CIAO2A: variants seen among roughly 807,000 people sequenced by gnomAD.
CIAO2A encodes cytosolic iron-sulfur assembly component 2A, also known as MIP18 family protein FAM96A.
Under a neutral mutation model 22.4 loss-of-function variants are expected in CIAO2A, and 17 were observed. That is an observed-to-expected ratio of 0.76 (90% CI 0.52 to 1.14). The LOEUF (loss-of-function observed/expected upper bound fraction) is 1.14. CIAO2A is among the 50% of genes most tolerant of loss of function. The probability of loss-of-function intolerance (pLI) is 0.00; values close to 1 mark genes in which losing one functional copy is unlikely to be tolerated. For synonymous variants in CIAO2A, 74 were observed against 72.3 expected (o/e 1.02, Z -0.12); for missense variants, 192 against 191.4 (o/e 1.00, Z -0.02).
chr15:64,090,016 T>C (rs961394519), intron 1 of CIAO2A, among the ~76,000 whole-genome samples: 9 of 152,132 alleles, frequency 5.9e-5, no homozygotes, highest in Non-Finnish European at 1.3e-4. Flanking sequence ...AGTAGAACCT[T>C]GGCTGAACAT....
chr15:64,074,977 T>G (rs1377808584), intron 4 of CIAO2A: 1 of 152,130 alleles, frequency 6.6e-6, no homozygotes, highest in South Asian at 2.1e-4. Context: ...TACAGAACAT[T>G]TTGTTTTTTG....
rs1057395143 is a variant in CIAO2A at position 64,088,670 on chromosome 15, T to C, written c.289+17A>G. Reference sequence around the variant, plus strand: ...TAGAATTTATATAAATATACATGTATGTACAGAAAAACTTACCAATAAGAG... The same window carrying C: ...TAGAATTTATATAAATATACATGTACGTACAGAAAAACTTACCAATAAGAG... On this transcript the variant is annotated intron_variant, in intron 2 of 4. Transcript: ENST00000300030. 6.3e-6 allele frequency: 10 copies of C among 1,588,608 alleles called. No individual in the cohort carries two copies. In the South Asian group the frequency reaches 9.1e-5, roughly 15 times the overall value.
chr15:64,081,182 C>T (rs774293844), intron 2 of CIAO2A, 31 bp from the exon 3 acceptor site: 1 of 1,596,022 alleles, frequency 6.3e-7, no homozygotes, highest in Non-Finnish European at 8.6e-7. Flanking sequence ...CTCCAATTAT[C>T]TCTTTATTGC....
In CIAO2A at chr15:64,072,950, C is replaced by T. The variant is rs1185718778; in HGVS notation, c.464G>A (p.Cys155Tyr). ...NPNLREIVEQ[C>Y]VLEPD ...CAGCTATCAGTCAGGTTCAAGGACA[C>T]ACTGTTCCACAATTTCCCGTAAGTT... is the stretch of plus-strand genomic sequence containing the variant. Residue 155 changes from cysteine (C) to tyrosine (Y), a missense_variant, in exon 5 of 5, where the codon TGT becomes TAT. Transcript: ENST00000300030. The T allele has an allele frequency of 8.7e-5, 140 of 1,613,048 alleles. No homozygotes were observed. The highest frequency in any genetic ancestry group is 1.2e-4 in the Non-Finnish European group (138 of 1,179,228).
At chr15:64,073,484 A>G (rs1294283303) in intron 4 of CIAO2A, among the ~76,000 whole-genome samples, 1 of 152,214 alleles carries the variant, frequency 6.6e-6, no homozygotes. Context: ...AAGAGTATGA[A>G]TATTTTTATG....
intron 1 of CIAO2A, among the ~76,000 whole-genome samples, chr15:64,093,074 GTGTGTGTGTGCGTTA>G (rs1290089216): frequency 2.0e-5 from 3 of 152,144 alleles, no homozygotes; most frequent in African/African-American, 7.2e-5. Context: ...GAGTGTGTAT[GTGTGTGTGTGCGTTA>G]TGTGTGTGTA....
intron 2 of CIAO2A, among the ~76,000 whole-genome samples, chr15:64,084,903 G>A (rs2080782143): frequency 6.6e-6 from 1 of 152,134 alleles, no homozygotes; most frequent in South Asian, 2.1e-4. Flanking sequence ...GACCAGCCTG[G>A]CCAACATGGT....
Position 64,085,914 on chromosome 15 carries a change from T to TG in CIAO2A, c.289+2772dup, listed in dbSNP as rs1284019566. On this transcript the variant is annotated intron_variant, in intron 2 of 4. Transcript: ENST00000300030. ...TGGTAGAGACAGGGTTTCACTACGT[T>TG]GGCCAGGCTGGTCTCAAACTCCTGA... Among the ~76,000 whole-genome samples the TG allele has an allele frequency of 2.6e-5, 4 of 151,698 alleles. No individual in the cohort carries two copies. The South Asian group carries it at 6.3e-4, about 24-fold the overall frequency.
chr15:64,073,282 T>G (rs2141272888), intron 4 of CIAO2A, among the ~76,000 whole-genome samples: 1 of 152,304 alleles, frequency 6.6e-6, no homozygotes, highest in Non-Finnish European at 1.5e-5. Flanking sequence ...TTTATACAGT[T>G]ACATTCAGAG....
At position 64,093,821 on chromosome 15, in the gene CIAO2A, G is replaced by A; in HGVS notation, c.-53C>T. The A allele has an allele frequency of 3.1e-6, 5 of 1,593,560 alleles. No homozygotes were observed. Among genetic ancestry groups the A allele is most frequent in the Non-Finnish European group, 4.3e-6 (5 of 1,165,242 alleles). ...GTCCCAATCGCGCCACCGTCTCTCAGCAGCCTCGGGATTGATCAACTTCCT... is the reference window on the plus strand; with the variant it reads ...GTCCCAATCGCGCCACCGTCTCTCAACAGCCTCGGGATTGATCAACTTCCT... On this transcript the variant is annotated 5_prime_UTR_variant, in exon 1 of 5. Transcript: ENST00000300030.
intron 4 of CIAO2A, chr15:64,075,258 T>G: frequency 5.3e-6 from 2 of 380,424 alleles, no homozygotes; most frequent in Non-Finnish European, 9.4e-6. Flanking sequence ...TACAGATGTG[T>G]AGCCACTGGC....
chr15:64,088,382 G>A (rs953515924), intron 2 of CIAO2A, among the ~76,000 whole-genome samples: 2 of 152,220 alleles, frequency 1.3e-5, no homozygotes, highest in East Asian at 1.9e-4. Context: ...GAGAAGTGGA[G>A]TCAGGAGACC....
In CIAO2A at chr15:64,088,744, G is replaced by C; in HGVS notation, c.232C>G (p.Leu78Val). The change falls in exon 2 of 5, where the codon CTG (leucine) becomes GTG (valine). Residue 78 changes from leucine to valine, a missense_variant. Leu to Val is a conservative substitution (Grantham distance 32). Coordinates refer to ENST00000300030, the MANE Select transcript of CIAO2A (RefSeq NM_032231.7). ...GTTGGCGTGAACCTGATAATAACCA[G>C]ATATTCTTCTTCATTTATCTCCTGA... The part of the protein sequence containing the change: ...EVQEINEEEY[L>V]VIIRFTPTVP... 6.2e-7 allele frequency: 1 copy of C among 1,613,830 alleles called. No homozygotes were observed. Among genetic ancestry groups the C allele is most frequent in the South Asian group, 1.1e-5 (1 of 91,032 alleles).
intron 3 of CIAO2A, 96 bp from the exon 4 acceptor site, chr15:64,075,633 T>C: frequency 1.5e-6 from 1 of 673,936 alleles, no homozygotes; most frequent in South Asian, 2.0e-5. Flanking sequence ...CATCTAGGGA[T>C]GAGTGCCCAA....
intron 2 of CIAO2A, among the ~76,000 whole-genome samples, chr15:64,087,256 TA>T (rs2080805053): frequency 6.6e-6 from 1 of 152,056 alleles, no homozygotes; most frequent in Non-Finnish European, 1.5e-5. Flanking sequence ...CATGCCTGGC[TA>T]ATTTTTTATA....
At chr15:64,077,087 C>T (rs1056582133) in intron 3 of CIAO2A, among the ~76,000 whole-genome samples, 2 of 152,064 alleles carry the variant, frequency 1.3e-5, no homozygotes, top group South Asian at 4.1e-4. Context: ...CCGAGGCAGG[C>T]GGATCACGAG....
chr15:64,077,116 T>A (rs1166435725), intron 3 of CIAO2A, among the ~76,000 whole-genome samples: 4 of 151,972 alleles, frequency 2.6e-5, no homozygotes, highest in Non-Finnish European at 2.9e-5. Context: ...ATCGAGACCA[T>A]CCTGGCTAAC....
chr15:64,085,988 G>T (rs1462831810), intron 2 of CIAO2A, among the ~76,000 whole-genome samples: 1 of 151,884 alleles, frequency 6.6e-6, no homozygotes, highest in African/African-American at 2.4e-5. Context: ...GATTACAAGA[G>T]TGAGCCACTG....
At chr15:64,084,012 A>C (rs750932491) in intron 2 of CIAO2A, among the ~76,000 whole-genome samples, 10 of 152,130 alleles carry the variant, frequency 6.6e-5, no homozygotes, top group Non-Finnish European at 1.2e-4. Flanking sequence ...GAAATGCATA[A>C]CGAAAGGGCT....
Sources: gnomAD v4.1 joint callset for allele counts (sites outside exome capture counted in the v4.1 genomes callset) on GRCh38, gnomAD v4.1.1 for gene constraint, MANE v1.5 for transcripts, NCBI Gene and HGNC (gene_info 2026-07-23, HGNC 2026-07-21) for gene names.